The following LPP variants were observed in gnomAD, a reference collection of about 807,000 sequenced individuals.
The protein encoded by LPP is lipoma-preferred partner.
Under a neutral mutation model 60.4 loss-of-function variants are expected in LPP, and 38 were observed. The observed-to-expected ratio is 0.63, with a 90% confidence interval of 0.49 to 0.83. The LOEUF (loss-of-function observed/expected upper bound fraction) is 0.83. Among genes scored for constraint, LPP ranks in the 40% least tolerant of loss-of-function variants. The probability of loss-of-function intolerance (pLI) is 0.00; values close to 1 mark genes in which losing one functional copy is unlikely to be tolerated. For missense variants in LPP, 902 were observed against 783.6 expected, an observed-to-expected ratio of 1.15 and a Z score of -1.80; for synonymous variants, 328 against 290.8, an observed-to-expected ratio of 1.13 and a Z score of -1.30.
At chr3:188,569,364 T>C (rs1308361393) in intron 6 of LPP, among the ~76,000 whole-genome samples, 1 of 151,844 alleles carries the variant, frequency 6.6e-6, no homozygotes, top group Non-Finnish European at 1.5e-5. Flanking sequence ...AATCTGAATA[T>C]ACTTGAATTG....
chr3:188,862,728 T>TA (rs1259819893), intron 9 of LPP, among the ~76,000 whole-genome samples: 17,633 of 77,782 alleles, frequency 0.23, 2,307 homozygotes, highest in Non-Finnish European at 0.3. Flanking sequence ...AATAAATAAA[T>TA]AAATAAATAA....
At chr3:188,821,225 TAAAAAG>T (rs1479609758) in intron 9 of LPP, among the ~76,000 whole-genome samples, 1 of 151,280 alleles carries the variant, frequency 6.6e-6, no homozygotes, top group African/African-American at 2.4e-5. Flanking sequence ...TGCACATAGT[TAAAAAG>T]AAACATGTTT....
chr3:188,191,230 A>T (rs1269192951), intron 1 of LPP, among the ~76,000 whole-genome samples: 1 of 152,234 alleles, frequency 6.6e-6, no homozygotes, highest in African/African-American at 2.4e-5. Flanking sequence ...ACTTTGTCTC[A>T]AAACAGAAAC....
chr3:188,388,095 G>A (rs1778804250), intron 3 of LPP, among the ~76,000 whole-genome samples: 1 of 151,870 alleles, frequency 6.6e-6, no homozygotes, highest in Admixed American at 6.6e-5. Context: ...TGCCTTTGAA[G>A]ATGAGTACTT....
At chr3:188,262,477 C>G (rs1734000423) in intron 2 of LPP, among the ~76,000 whole-genome samples, 1 of 152,068 alleles carries the variant, frequency 6.6e-6, no homozygotes, top group Admixed American at 6.5e-5. Flanking sequence ...ATTTTGCTAT[C>G]AGACCTCAAG....
intron 4 of LPP, among the ~76,000 whole-genome samples, chr3:188,479,882 G>A (rs1049550700): frequency 3.3e-5 from 5 of 152,176 alleles, no homozygotes; most frequent in African/African-American, 1.2e-4. Flanking sequence ...GTTCCCATGT[G>A]TTTTTCTACC....
rs140558038 is a variant in LPP, at chr3:188,642,913, G to C, written c.1113+33069G>C. ...ATCGCACCATTGCACTCTAGCCTGG[G>C]CAACAAGAGCAAAACTCCATCTCAG... On this transcript the variant is annotated intron_variant, in intron 7 of 11. Transcript: ENST00000617246. 3.9e-3 allele frequency among the ~76,000 whole-genome samples: 577 copies of C among 148,086 alleles called. 4 individuals are homozygous for C. The highest frequency in any genetic ancestry group is 0.013 in the African/African-American group (534 of 40,062).
At chr3:188,520,708 CTAAGACGATG>C (rs1818638087) in intron 5 of LPP, among the ~76,000 whole-genome samples, 2 of 152,138 alleles carry the variant, frequency 1.3e-5, no homozygotes, top group African/African-American at 4.8e-5. Context: ...AGAACACAGA[CTAAGACGATG>C]TAATCTTTGA....
intron 2 of LPP, among the ~76,000 whole-genome samples, chr3:188,334,558 G>A (rs548088590): frequency 2.0e-4 from 30 of 151,500 alleles, no homozygotes; most frequent in African/African-American, 6.8e-4. Context: ...AGCCTCCCGA[G>A]TAGCTGGGAC....
intron 7 of LPP, among the ~76,000 whole-genome samples, chr3:188,659,888 G>T (rs559535585): frequency 1.1e-4 from 16 of 151,186 alleles, no homozygotes; most frequent in Non-Finnish European, 2.2e-4. Flanking sequence ...CCCTCTGCTT[G>T]TAATTGTTAC....
At chr3:188,775,191 T>C (rs1249886411) in intron 9 of LPP, among the ~76,000 whole-genome samples, 2 of 152,032 alleles carry the variant, frequency 1.3e-5, no homozygotes, top group African/African-American at 4.8e-5. Flanking sequence ...TAGCTGGGAC[T>C]GCAGGCATGT....
intron 7 of LPP, among the ~76,000 whole-genome samples, chr3:188,614,418 A>G (rs1390458764): frequency 1.3e-5 from 2 of 152,214 alleles, no homozygotes; most frequent in African/African-American, 2.4e-5. Context: ...CCCTCAAGTC[A>G]GTAGCTAACA....
rs968173939 is a variant in LPP, at chr3:188,846,918, T to C, written c.1411-19282T>C. ...ACTTGCCTGTGTCTTCGAAATATGC[T>C]GTGGCAGAATAGAAAAGGTGATCAA... On this transcript the variant is annotated intron_variant, in intron 9 of 11. Coordinates refer to ENST00000617246, the MANE Select transcript of LPP (RefSeq NM_001375462.1). Among the ~76,000 whole-genome samples the C allele has an allele frequency of 3.7e-4, 56 of 152,206 alleles. 1 individual carries two copies. Among genetic ancestry groups the C allele is most frequent in the African/African-American group, 1.3e-3 (55 of 41,528 alleles).
intron 2 of LPP, among the ~76,000 whole-genome samples, chr3:188,314,630 G>A (rs933008299): frequency 6.6e-6 from 1 of 151,850 alleles, no homozygotes; most frequent in Admixed American, 6.6e-5. Flanking sequence ...AGACCATCCT[G>A]ACCAAAATAG....
At chr3:188,864,141 A>G (rs1277292023) in intron 9 of LPP, among the ~76,000 whole-genome samples, 2 of 152,172 alleles carry the variant, frequency 1.3e-5, no homozygotes, top group Admixed American at 6.5e-5. Context: ...CCACTTCAAA[A>G]TGGGAAAAAC....
chr3:188,441,722 G>A (rs1794000115), intron 4 of LPP, among the ~76,000 whole-genome samples: 1 of 138,310 alleles, frequency 7.2e-6, no homozygotes. Flanking sequence ...CCAGGTTCAC[G>A]CCATTCTCCC....
intron 6 of LPP, among the ~76,000 whole-genome samples, chr3:188,556,682 T>A (rs1221413684): frequency 6.6e-6 from 1 of 152,000 alleles, no homozygotes; most frequent in Non-Finnish European, 1.5e-5. Flanking sequence ...TACTTCCACA[T>A]AGTTCTCCAG....
At chr3:188,472,137 G>C (rs908394749) in intron 4 of LPP, among the ~76,000 whole-genome samples, 4 of 152,166 alleles carry the variant, frequency 2.6e-5, no homozygotes, top group African/African-American at 9.7e-5. Flanking sequence ...ACATCAAAGA[G>C]TGAATCCTGA....
chr3:188,705,362 T>A (rs550456129), intron 7 of LPP, among the ~76,000 whole-genome samples: 1 of 152,200 alleles, frequency 6.6e-6, no homozygotes, highest in Non-Finnish European at 1.5e-5. Context: ...TCTGTCATTG[T>A]CTATTTAGGT....
Sources: gnomAD v4.1 joint callset for allele counts (sites outside exome capture counted in the v4.1 genomes callset) on GRCh38, gnomAD v4.1.1 for gene constraint, MANE v1.5 for transcripts, NCBI Gene and HGNC (gene_info 2026-07-23, HGNC 2026-07-21) for gene names.